GPD2: variants seen among roughly 807,000 people sequenced by gnomAD.
The protein encoded by GPD2 is glycerol-3-phosphate dehydrogenase, mitochondrial.
GPD2 carries 54 observed loss-of-function variants against 82.4 expected under a neutral mutation model. That is an observed-to-expected ratio of 0.66 (90% confidence interval 0.53 to 0.82). The LOEUF (loss-of-function observed/expected upper bound fraction) is 0.82, where lower values mean the gene tolerates loss of function less well. Ranked by LOEUF, GPD2 falls within the 40% of genes least tolerant of loss-of-function variation. GPD2 has a pLI of 0.00. For synonymous variants in GPD2, 288 were observed against 306.1 expected (o/e 0.94, Z 0.62); for missense variants, 748 against 896.2 (o/e 0.83, Z 2.11).
intron 6 of GPD2, among the ~76,000 whole-genome samples, chr2:156,525,052 G>T (rs984507301): frequency 1.3e-5 from 2 of 152,048 alleles, no homozygotes; most frequent in African/African-American, 2.4e-5. Context: ...AAGGTATATT[G>T]TATATAGGAA....
At position 156,512,279 on chromosome 2, in the gene GPD2, T is replaced by C. The variant is rs1456436470; in HGVS notation, c.459T>C (p.His153=). The part of the protein sequence containing the change: ...ERANLLEIAP[H]LSAPLPIMLP... ...CCAACCTGCTAGAAATTGCTCCCCA[T>C]TTATCAGCTCCATTGCCTATAATGC... The change falls in exon 5 of 17, where the codon CAT becomes CAC. Residue 153 remains histidine (H), a synonymous_variant. Coordinates refer to ENST00000438166, the MANE Select transcript of GPD2 (RefSeq NM_000408.5). 1.9e-6 allele frequency: 3 copies of C among 1,601,744 alleles called. No individual in the cohort carries two copies. Among genetic ancestry groups the C allele is most frequent in the Non-Finnish European group, 8.6e-7 (1 of 1,168,822 alleles).
rs554558351 is a variant in GPD2 at position 156,573,274 on chromosome 2, A to G, written c.1767+1982A>G. Among the ~76,000 whole-genome samples, 363 of 152,270 alleles carry G rather than the reference A, an allele frequency of 2.4e-3. 3 individuals are homozygous for G. The highest frequency in any genetic ancestry group is 8.3e-3 in the African/African-American group (345 of 41,558). ...TTTTCAGAGTTTATATCAACAGTCA[A>G]TTGTAAAGCAGGGATTGAAACCAGG... is the stretch of plus-strand genomic sequence containing the variant. On this transcript the variant is annotated intron_variant, in intron 13 of 16. Transcript: ENST00000438166.
intron 2 of GPD2, among the ~76,000 whole-genome samples, chr2:156,483,244 C>T (rs538701337): frequency 3.3e-5 from 5 of 152,246 alleles, no homozygotes; most frequent in African/African-American, 1.2e-4. Flanking sequence ...CTGAATGTGT[C>T]TGTTATGTGA....
chr2:156,537,506 GA>G (rs908866713), intron 6 of GPD2, among the ~76,000 whole-genome samples: 3 of 152,130 alleles, frequency 2.0e-5, no homozygotes, highest in Admixed American at 6.5e-5. Context: ...TTGTATAGTT[GA>G]AAGTAAAACT....
chr2:156,541,832 T>TTTTG (rs1553475248), intron 6 of GPD2, among the ~76,000 whole-genome samples: 1 of 144,440 alleles, frequency 6.9e-6, no homozygotes, highest in African/African-American at 2.6e-5. Flanking sequence ...TTGTTTTTTT[T>TTTTG]TTTTTTTTTT....
At chr2:156,465,820 T>C (rs1442545915) in intron 1 of GPD2, among the ~76,000 whole-genome samples, 2 of 152,352 alleles carry the variant, frequency 1.3e-5, no homozygotes, top group East Asian at 3.9e-4. Flanking sequence ...TAGTATGGTC[T>C]GTTTGACTAA....
intron 16 of GPD2, 48 bp from the exon 17 acceptor site, chr2:156,582,745 G>C (rs1377751423): frequency 1.1e-5 from 18 of 1,602,862 alleles, no homozygotes; most frequent in Middle Eastern, 1.7e-4. Context: ...ATGAAGAAGA[G>C]AGTAAGTTGG....
At chr2:156,484,603 G>A (rs1683868338) in intron 2 of GPD2, among the ~76,000 whole-genome samples, 1 of 152,076 alleles carries the variant, frequency 6.6e-6, no homozygotes, top group Non-Finnish European at 1.5e-5. Flanking sequence ...ACTTTGGGAG[G>A]CTGAGGCAGG....
At chr2:156,503,168 G>A (rs563900420) in intron 3 of GPD2, among the ~76,000 whole-genome samples, 1 of 152,278 alleles carries the variant, frequency 6.6e-6, no homozygotes, top group Admixed American at 6.5e-5. Context: ...GTGGTCAAGA[G>A]AAGCTTGTCA....
chr2:156,559,102 A>G (rs1275006761), intron 9 of GPD2, among the ~76,000 whole-genome samples: 1 of 151,822 alleles, frequency 6.6e-6, no homozygotes, highest in Non-Finnish European at 1.5e-5. Context: ...CTTTTCCCCA[A>G]CTCTTCATCT....
At chr2:156,430,698 A>G (rs867406457), upstream of GPD2, among the ~76,000 whole-genome samples, 2 of 152,230 alleles carry the variant, frequency 1.3e-5, no homozygotes, top group South Asian at 4.1e-4. Context: ...AGTATTCCAT[A>G]CATTTTACTT....
At chr2:156,432,749 T>TAGTTGAG (rs2105125192), upstream of GPD2, among the ~76,000 whole-genome samples, 1 of 152,326 alleles carries the variant, frequency 6.6e-6, no homozygotes, top group African/African-American at 2.4e-5. Context: ...TTCAAGTCAA[T>TAGTTGAG]AGTTGAGATT....
Position 156,586,335 on chromosome 2 carries a change from G to A in GPD2, c.*3417G>A, listed in dbSNP as rs919185705. On this transcript the variant is annotated 3_prime_UTR_variant, in exon 17 of 17. Coordinates refer to ENST00000438166, the MANE Select transcript of GPD2 (RefSeq NM_000408.5). ...TTATTTGTATTAATTTGTTGCTGTA[G>A]CCTTTAGGGCATGACTTCTGTATTT... 12 of 151,970 alleles carry A rather than the reference G, an allele frequency of 7.9e-5. No individual in the cohort carries two copies. Among genetic ancestry groups the A allele is most frequent in the African/African-American group, 2.7e-4 (11 of 41,386 alleles). The allele number at this position is 151,970 out of a possible 1,614,324, so 9.4% of individuals were successfully genotyped here.
At chr2:156,512,403 T>C (rs1685035443) in intron 5 of GPD2, 86 bp downstream of exon 5, 1 of 777,266 alleles carries the variant, frequency 1.3e-6, no homozygotes, top group Admixed American at 1.7e-5. Flanking sequence ...CCTCAATGCA[T>C]ATTTCATAAT....
At chr2:156,510,983 T>G in intron 4 of GPD2, 63 bp downstream of exon 4, 1 of 1,487,400 alleles carries the variant, frequency 6.7e-7, no homozygotes, top group Non-Finnish European at 9.4e-7. Flanking sequence ...CCCAATTAAA[T>G]CAGGTTTTTT....
Position 156,585,033 on chromosome 2 carries a change from C to A in GPD2, c.*2115C>A, listed in dbSNP as rs1224682359. 2 of 151,934 alleles carry A rather than the reference C, an allele frequency of 1.3e-5. No individual in the cohort carries two copies. Among genetic ancestry groups the A allele is most frequent in the African/African-American group, 2.4e-5 (1 of 41,414 alleles). The allele number at this position is 151,934 out of a possible 1,614,324, so 9.4% of individuals were successfully genotyped here. A position where few individuals can be genotyped will look rare whatever the true frequency, so the allele number is the denominator to read the frequency against. On this transcript the variant is annotated 3_prime_UTR_variant, in exon 17 of 17. Coordinates refer to ENST00000438166, the MANE Select transcript of GPD2 (RefSeq NM_000408.5). ...TCCTTTAAGGACAAAGAAAAGCACA[C>A]TTTTCTTCTTTTGAGCATATCTGCT...
intron 9 of GPD2, among the ~76,000 whole-genome samples, chr2:156,567,911 G>C (rs1558965685): frequency 1.3e-5 from 2 of 152,078 alleles, no homozygotes; most frequent in Non-Finnish European, 2.9e-5. Context: ...AGATAGTAAA[G>C]ATATTTTCAT....
At chr2:156,460,526 C>T (rs1406817563) in intron 1 of GPD2, among the ~76,000 whole-genome samples, 1 of 152,212 alleles carries the variant, frequency 6.6e-6, no homozygotes, top group African/African-American at 2.4e-5. Context: ...AAGCTTCACA[C>T]AGCTCTTAAC....
At chr2:156,487,619 C>T (rs1432717392) in intron 2 of GPD2, among the ~76,000 whole-genome samples, 1 of 152,176 alleles carries the variant, frequency 6.6e-6, no homozygotes, top group Non-Finnish European at 1.5e-5. Context: ...TCAAAAGATT[C>T]CTCCTTTCTA....
Sources: gnomAD v4.1 joint callset for allele counts (sites outside exome capture counted in the v4.1 genomes callset) on GRCh38, gnomAD v4.1.1 for gene constraint, MANE v1.5 for transcripts, NCBI Gene and HGNC (gene_info 2026-07-23, HGNC 2026-07-21) for gene names.